The following KIAA1614 variants were observed in gnomAD, a reference collection of about 807,000 sequenced individuals.
KIAA1614 encodes the protein uncharacterized protein KIAA1614.
In KIAA1614, 76 loss-of-function variants were observed where a neutral mutation model predicts 88.7. That is an observed-to-expected ratio of 0.86 (90% CI 0.71 to 1.04). KIAA1614 has a LOEUF of 1.04. KIAA1614 is among the 50% of genes least tolerant of loss of function. The pLI is 0.00. For missense variants in KIAA1614, 1,553 were observed against 1,582.5 expected (o/e 0.98, Z 0.32); for synonymous variants, 714 against 675.5 (o/e 1.06, Z -0.88).
rs759896135 is a variant in KIAA1614, at chr1:180,950,649, A to G, written c.*5061A>G. ...TGTGGCGGAAACAGATCCTGGCAGC[A>G]TCTAACCCCTTGGGCTGTGGCAGGG... On this transcript the variant is annotated 3_prime_UTR_variant, in exon 9 of 9. Transcript: ENST00000367588. 27 of 444,866 alleles carry G rather than the reference A, an allele frequency of 6.1e-5. No homozygotes were observed. Among genetic ancestry groups the G allele is most frequent in the Admixed American group, 1.9e-4 (3 of 15,952 alleles). The allele number at this position is 444,866 out of a possible 1,614,324, so 27.6% of individuals were successfully genotyped here.
At chr1:180,943,439 C>A (rs1233624493) in intron 7 of KIAA1614, among the ~76,000 whole-genome samples, 1 of 115,406 alleles carries the variant, frequency 8.7e-6, no homozygotes, top group African/African-American at 3.3e-5. Context: ...ACCATGTACA[C>A]AGCAGCACAA....
Position 180,928,499 on chromosome 1 carries a change from T to C in KIAA1614, c.1131T>C (p.Arg377=), listed in dbSNP as rs1292103400. 1 of 1,613,070 alleles carries C rather than the reference T, an allele frequency of 6.2e-7. No individual in the cohort carries two copies. Among genetic ancestry groups the C allele is most frequent in the Non-Finnish European group, 8.5e-7 (1 of 1,179,988 alleles). ...RHEEATHLLQ[R]ARMKARTRPL... is the part of the protein sequence containing the mutation. ...AGGAAGCCACGCATCTGCTGCAGCG[T>C]GCCCGCATGAAGGCCAGGACCCGGC... Residue 377 remains arginine, a synonymous_variant, in exon 4 of 9, where the codon CGT becomes CGC. Coordinates refer to ENST00000367588, the MANE Select transcript of KIAA1614 (RefSeq NM_020950.2).
chr1:180,937,246 A>G (rs1654354377), intron 5 of KIAA1614, among the ~76,000 whole-genome samples: 1 of 152,256 alleles, frequency 6.6e-6, no homozygotes, highest in Non-Finnish European at 1.5e-5. Context: ...ATACTTGAGC[A>G]GGAGTCCTGC....
Position 180,928,676 on chromosome 1 carries a change from A to ATG in KIAA1614, c.1205+115_1205+116dup, listed in dbSNP as rs1491586077. 88 of 1,236,864 alleles carry ATG rather than the reference A, an allele frequency of 7.1e-5. No individual in the cohort carries two copies. The African/African-American group carries it at 7.5e-4, about 11-fold the overall frequency. The allele number at this position is 1,236,864 out of a possible 1,614,324, so 76.6% of individuals were successfully genotyped here. On this transcript the variant is annotated intron_variant, in intron 4 of 8. Transcript: ENST00000367588. Reference sequence around the variant, plus strand: ...GCCAAATGCTGCTGCTGCTCGCTCCATGTGTGTGTGTGTCTGTGTGTTTTC... The same window carrying ATG: ...GCCAAATGCTGCTGCTGCTCGCTCCATGTGTGTGTGTGTGTCTGTGTGTTTTC...
At chr1:180,941,000 C>CAG in intron 6 of KIAA1614, 45 bp from the exon 7 acceptor site, 3 of 1,010,168 alleles carry the variant, frequency 3.0e-6, no homozygotes, top group Non-Finnish European at 2.8e-6. Context: ...CCTGGCCACC[C>CAG]TCCCGGCCCT....
intron 3 of KIAA1614, among the ~76,000 whole-genome samples, chr1:180,919,954 T>C (rs974124289): frequency 6.6e-6 from 1 of 152,104 alleles, no homozygotes; most frequent in African/African-American, 2.4e-5. Context: ...TTAGTGAGTT[T>C]TAGGACTCTG....
intron 7 of KIAA1614, among the ~76,000 whole-genome samples, chr1:180,942,447 C>A (rs1399161953): frequency 6.6e-6 from 1 of 152,234 alleles, no homozygotes; most frequent in Non-Finnish European, 1.5e-5. Flanking sequence ...GCGTCGCTGG[C>A]GCCTTTCATT....
intron 3 of KIAA1614, among the ~76,000 whole-genome samples, chr1:180,920,209 C>G (rs779842316): frequency 1.3e-5 from 2 of 152,198 alleles, no homozygotes; most frequent in African/African-American, 4.8e-5. Context: ...AGGTGGTCCC[C>G]AAGACCCTGC....
rs539706674 is a variant in KIAA1614 at position 180,931,049 on chromosome 1, A to T, written c.1205+2476A>T. 2.5e-3 allele frequency among the ~76,000 whole-genome samples: 377 copies of T among 152,336 alleles called. 3 individuals are homozygous for T. Among genetic ancestry groups the T allele is most frequent in the African/African-American group, 8.9e-3 (370 of 41,584 alleles). On this transcript the variant is annotated intron_variant, in intron 4 of 8. Transcript: ENST00000367588. The stretch of plus-strand genomic sequence containing the variant: ...AGTCTCAGAGGGCCTTCTTTATCCT[A>T]GGTCTGGCTAGAGGCAGCTGGGGCA...
Position 180,950,594 on chromosome 1 carries a change from T to C in KIAA1614, c.*5006T>C. 1 of 979,120 alleles carries C rather than the reference T, an allele frequency of 1.0e-6. No homozygotes were observed. The allele number at this position is 979,120 out of a possible 1,614,324, so 60.7% of individuals were successfully genotyped here. On this transcript the variant is annotated 3_prime_UTR_variant, in exon 9 of 9. Coordinates refer to ENST00000367588, the MANE Select transcript of KIAA1614 (RefSeq NM_020950.2). ...GGAAGCCCTGAAGCACTCAGGGTGG[T>C]TGGCAGGAACGTGCTGCACAGAGCT... is the stretch of plus-strand genomic sequence containing the variant.
chr1:180,922,583 A>G (rs1653981136), intron 3 of KIAA1614, among the ~76,000 whole-genome samples: 1 of 152,232 alleles, frequency 6.6e-6, no homozygotes, highest in Non-Finnish European at 1.5e-5. Flanking sequence ...TCAAGTGGTC[A>G]GGCCCTCAGC....
rs376484495 is a variant in KIAA1614 at position 180,928,228 on chromosome 1, C to T, written c.1062-202C>T. The T allele has an allele frequency of 4.1e-4, 236 of 581,198 alleles. 1 individual carries two copies. The highest frequency in any genetic ancestry group is 1.4e-3 in the African/African-American group (72 of 51,958). The allele number at this position is 581,198 out of a possible 1,614,324, so 36.0% of individuals were successfully genotyped here. Reference sequence around the variant, plus strand: ...GCTCCCCAGCCCCCATCCAGAGCCACGCAGGGCCATTTCCCAGCCCCAGGC... The same window carrying T: ...GCTCCCCAGCCCCCATCCAGAGCCATGCAGGGCCATTTCCCAGCCCCAGGC... On this transcript the variant is annotated intron_variant, in intron 3 of 8. Coordinates refer to ENST00000367588, the MANE Select transcript of KIAA1614 (RefSeq NM_020950.2).
chr1:180,936,707 C>T, intron 5 of KIAA1614, 37 bp downstream of exon 5: 1 of 1,394,804 alleles, frequency 7.2e-7, no homozygotes, highest in Non-Finnish European at 9.5e-7. Flanking sequence ...CAGCCCAGGC[C>T]TGGTGTGGTT....
chr1:180,947,188 G>A lies in KIAA1614; in HGVS notation c.*1600G>A, dbSNP rs1654615870. The A allele has an allele frequency of 6.6e-6, 1 of 152,356 alleles. No homozygotes were observed. The highest frequency in any genetic ancestry group is 6.5e-5 in the Admixed American group (1 of 15,288). 9.4% of individuals were successfully genotyped at this position (152,356 alleles called of 1,614,324 possible). A position where few individuals can be genotyped will look rare whatever the true frequency, so the allele number is the denominator to read the frequency against. On this transcript the variant is annotated 3_prime_UTR_variant, in exon 9 of 9. Transcript: ENST00000367588. ...GGGGCGAGCCTGGCCTGTGAGAACT[G>A]TGAGGGTCAGGCTGGACACTGCAGA...
rs1380465995 is a variant in KIAA1614, at chr1:180,916,752, A to G, written c.649A>G (p.Thr217Ala). Residue 217 changes from threonine (T) to alanine (A), a missense_variant, in exon 2 of 9, where the codon ACT (threonine) becomes GCT (alanine). By Grantham distance (58) the Thr-to-Ala change is moderately conservative. Coordinates refer to ENST00000367588, the MANE Select transcript of KIAA1614 (RefSeq NM_020950.2). ...GCAACAGAGCCCGATCCATGGAGTT[A>G]CTCCCGGACGGCCTGGGGGTCCTGG... ...SLQQSPIHGV[T>A]PGRPGGPGHC... The G allele has an allele frequency of 6.2e-7, 1 of 1,613,982 alleles. No individual in the cohort carries two copies. Among genetic ancestry groups the G allele is most frequent in the East Asian group, 2.2e-5 (1 of 44,898 alleles).
chr1:180,916,989 C>G lies in KIAA1614; in HGVS notation c.886C>G (p.Arg296Gly). 1 of 1,614,078 alleles carries G rather than the reference C, an allele frequency of 6.2e-7. No homozygotes were observed. The highest frequency in any genetic ancestry group is 8.5e-7 in the Non-Finnish European group (1 of 1,180,026). The change falls in exon 2 of 9, where the codon CGG (arginine) becomes GGG (glycine). Residue 296 changes from arginine to glycine, a missense_variant. Arg to Gly is a moderately radical substitution (Grantham distance 125). Transcript: ENST00000367588. ...GAGCAGTGTCTTGTCCCTGTCTGATCGGGTGGAGAGAAACCGCCTGTTGCT... is the reference window on the plus strand; with the variant it reads ...GAGCAGTGTCTTGTCCCTGTCTGATGGGGTGGAGAGAAACCGCCTGTTGCT... ...AGSSVLSLSD[R>G]VERNRLLLQE...
chr1:180,917,783 C>T, intron 2 of KIAA1614, 68 bp from the exon 3 acceptor site: 1 of 1,263,024 alleles, frequency 7.9e-7, no homozygotes, highest in Non-Finnish European at 1.2e-6. Context: ...CCTCAGTGTT[C>T]ACTAAGTGGC....
chr1:180,914,248 A>C (rs1003460542), intron 1 of KIAA1614, among the ~76,000 whole-genome samples: 2 of 152,242 alleles, frequency 1.3e-5, no homozygotes, highest in African/African-American at 4.8e-5. Context: ...GTAGATATGC[A>C]TGCAACACCC....
chr1:180,932,357 G>A (rs1196605954), intron 4 of KIAA1614, among the ~76,000 whole-genome samples: 1 of 151,506 alleles, frequency 6.6e-6, no homozygotes, highest in East Asian at 1.9e-4. Context: ...TTTTGCCTTC[G>A]TGGGCCTCTT....
Sources: allele counts gnomAD v4.1 joint callset (sites outside exome capture counted in the v4.1 genomes callset), GRCh38; gene constraint gnomAD v4.1.1; transcripts MANE v1.5; gene names NCBI Gene and HGNC (gene_info 2026-07-23, HGNC 2026-07-21).